The following NKAIN1 variants were observed in gnomAD, a reference collection of about 807,000 sequenced individuals.
The protein encoded by NKAIN1 is sodium/potassium transporting ATPase interacting 1, also known as sodium/potassium-transporting ATPase subunit beta-1-interacting protein 1.
A neutral mutation model predicts 31.6 loss-of-function variants in NKAIN1; 13 were observed. The ratio of observed to expected loss-of-function variants is 0.41; its 90% CI spans 0.27 to 0.65. The LOEUF (loss-of-function observed/expected upper bound fraction) is 0.65. Ranked by LOEUF, NKAIN1 falls within the 30% of genes least tolerant of loss-of-function variation. NKAIN1 has a pLI of 0.30. For missense variants in NKAIN1, 193 were observed against 262.2 expected (o/e 0.74, Z 1.82); for synonymous variants, 104 against 109.0 (o/e 0.95, Z 0.28).
chr1:31,236,487 C>T (rs1645693301), intron 1 of NKAIN1, among the ~76,000 whole-genome samples: 1 of 152,190 alleles, frequency 6.6e-6, no homozygotes, highest in Non-Finnish European at 1.5e-5. Context: ...AGACTCCCTT[C>T]TCCCCTCAGG....
intron 3 of NKAIN1, among the ~76,000 whole-genome samples, chr1:31,184,427 A>G (rs773477716): frequency 5.3e-5 from 8 of 152,156 alleles, no homozygotes; most frequent in Non-Finnish European, 8.8e-5. Flanking sequence ...GTTCTTACCC[A>G]GGGTGTGTAC....
chr1:31,231,631 T>C (rs898202953), intron 1 of NKAIN1, among the ~76,000 whole-genome samples: 4 of 152,110 alleles, frequency 2.6e-5, no homozygotes, highest in Non-Finnish European at 5.9e-5. Flanking sequence ...CCTGGGTTCA[T>C]GCCACTGTCC....
chr1:31,214,841 T>C (rs1645498411), intron 1 of NKAIN1, among the ~76,000 whole-genome samples: 1 of 152,094 alleles, frequency 6.6e-6, no homozygotes, highest in African/African-American at 2.4e-5. Flanking sequence ...GCTGGGGGAA[T>C]GCGAGGGAGG....
intron 2 of NKAIN1, 92 bp downstream of exon 2, chr1:31,187,958 G>C: frequency 7.5e-7 from 1 of 1,335,600 alleles, no homozygotes; most frequent in Non-Finnish European, 1.0e-6. Flanking sequence ...CCCAGTGTTG[G>C]GGGGCAGTTC....
intron 1 of NKAIN1, among the ~76,000 whole-genome samples, chr1:31,207,400 TG>T (rs2148357828): frequency 6.6e-6 from 1 of 152,340 alleles, no homozygotes; most frequent in African/African-American, 2.4e-5. Context: ...GAACACTGCC[TG>T]GTTCATAGCC....
At chr1:31,203,730 AC>A (rs1305241018) in intron 1 of NKAIN1, among the ~76,000 whole-genome samples, 2 of 151,718 alleles carry the variant, frequency 1.3e-5, no homozygotes, top group African/African-American at 4.8e-5. Context: ...GATTACAGGC[AC>A]CCACCACCAC....
intron 4 of NKAIN1, among the ~76,000 whole-genome samples, chr1:31,183,192 T>C (rs932623979): frequency 2.0e-5 from 3 of 152,028 alleles, no homozygotes; most frequent in Non-Finnish European, 2.9e-5. Flanking sequence ...GAGGCTGGTA[T>C]TGTCATTCTT....
chr1:31,232,650 C>G (rs1645663620), intron 1 of NKAIN1, among the ~76,000 whole-genome samples: 1 of 151,182 alleles, frequency 6.6e-6, no homozygotes, highest in East Asian at 2.0e-4. Context: ...CCCATCTCTC[C>G]TTAATACTAG....
chr1:31,193,566 C>T (rs1225609460), intron 1 of NKAIN1, among the ~76,000 whole-genome samples: 2 of 151,716 alleles, frequency 1.3e-5, no homozygotes, highest in Non-Finnish European at 2.9e-5. Context: ...CGTGGTGGCA[C>T]GCACCTGTAA....
chr1:31,198,587 C>T (rs1570458461), intron 1 of NKAIN1, among the ~76,000 whole-genome samples: 2 of 152,016 alleles, frequency 1.3e-5, no homozygotes, highest in African/African-American at 4.8e-5. Context: ...CACTTTTTTC[C>T]GTCCACTTTC....
At chr1:31,204,535 G>T (rs780468914) in intron 1 of NKAIN1, among the ~76,000 whole-genome samples, 6 of 152,202 alleles carry the variant, frequency 3.9e-5, no homozygotes, top group Non-Finnish European at 8.8e-5. Context: ...GGCAGCCAAG[G>T]CCTGGAAAGA....
At chr1:31,194,097 C>T (rs1557651770) in intron 1 of NKAIN1, among the ~76,000 whole-genome samples, 1 of 152,180 alleles carries the variant, frequency 6.6e-6, no homozygotes, top group Non-Finnish European at 1.5e-5. Flanking sequence ...TGGATACAGA[C>T]TTCTCCCTGA....
Position 31,239,643 on chromosome 1 carries a change from G to C in NKAIN1, c.-96C>G. ...GCGCGGGCTCCACGTCCTCCCCGCT[G>C]GGCGCGCCGGGCGGCGGGGCCGGGC... is the stretch of plus-strand genomic sequence containing the variant. On this transcript the variant is annotated 5_prime_UTR_variant, in exon 1 of 7. Transcript: ENST00000373736. The surrounding 1 kb of genome is among the most constrained non-coding windows in gnomAD (Gnocchi z 4.8). The C allele has an allele frequency of 1.7e-6, 1 of 604,980 alleles. No individual in the cohort carries two copies. Among genetic ancestry groups the C allele is most frequent in the Non-Finnish European group, 2.1e-6 (1 of 481,902 alleles). 37.5% of individuals were successfully genotyped at this position (604,980 alleles called of 1,614,324 possible).
At chr1:31,189,561 C>T (rs1455728601) in intron 1 of NKAIN1, among the ~76,000 whole-genome samples, 1 of 152,186 alleles carries the variant, frequency 6.6e-6, no homozygotes, top group African/African-American at 2.4e-5. Context: ...AAATGATCCA[C>T]CCACCTCAGC....
chr1:31,217,305 C>T (rs2148361921), intron 1 of NKAIN1, among the ~76,000 whole-genome samples: 1 of 152,296 alleles, frequency 6.6e-6, no homozygotes, highest in South Asian at 2.1e-4. Flanking sequence ...GCTAGGGCTA[C>T]AAGTGTGTGC....
chr1:31,227,610 C>T (rs547907062), intron 1 of NKAIN1, among the ~76,000 whole-genome samples: 5 of 151,226 alleles, frequency 3.3e-5, no homozygotes, highest in South Asian at 2.1e-4. Flanking sequence ...ATTTTATATA[C>T]GGGGAAGCAC....
At chr1:31,235,332 G>A (rs1471162539) in intron 1 of NKAIN1, among the ~76,000 whole-genome samples, 1 of 150,666 alleles carries the variant, frequency 6.6e-6, no homozygotes. Flanking sequence ...TGTTAATAAT[G>A]TTGTCAAAAT....
At chr1:31,220,003 A>AC (rs138578415) in intron 1 of NKAIN1, among the ~76,000 whole-genome samples, 48,929 of 127,668 alleles carry the variant, frequency 0.38, 11,177 homozygotes, top group Middle Eastern at 0.51. Context: ...GAACACTCAG[A>AC]TTTTTTTTTT....
chr1:31,183,227 C>T (rs182000200), intron 4 of NKAIN1, among the ~76,000 whole-genome samples: 2 of 152,094 alleles, frequency 1.3e-5, no homozygotes, highest in Non-Finnish European at 2.9e-5. Flanking sequence ...AAACAAGCTC[C>T]GAGAAGGCAG....
Sources: gnomAD v4.1 joint callset for allele counts (sites outside exome capture counted in the v4.1 genomes callset) on GRCh38, gnomAD v4.1.1 for gene constraint, Gnocchi (gnomAD v3.1) non-coding constraint, MANE v1.5 for transcripts, NCBI Gene and HGNC (gene_info 2026-07-23, HGNC 2026-07-21) for gene names.